The following CIMAP3 variants were observed in gnomAD, a reference collection of about 807,000 sequenced individuals.
CIMAP3 encodes ciliary microtubule-associated protein 3.
the CIMAP3 span, among the ~76,000 whole-genome samples, chr1:111,342,872 C>T: frequency 6.6e-6 from 1 of 152,138 alleles, no homozygotes; most frequent in East Asian, 1.9e-4. Context: ...ATTCTCTTAC[C>T]GTCTGCTTGG....
the CIMAP3 span, among the ~76,000 whole-genome samples, chr1:111,326,957 G>T: frequency 6.6e-6 from 1 of 151,712 alleles, no homozygotes; most frequent in East Asian, 1.9e-4. Context: ...TTTTATTTTT[G>T]AGTTGTTTTA....
At chr1:111,340,399 T>G in the CIMAP3 span, among the ~76,000 whole-genome samples, 1 of 151,944 alleles carries the variant, frequency 6.6e-6, no homozygotes, top group African/African-American at 2.4e-5. Flanking sequence ...CAAAAGAAAC[T>G]ACCATCAGAG....
chr1:111,346,577 C>A, the CIMAP3 span: 2 of 1,604,938 alleles, frequency 1.2e-6, no homozygotes, highest in African/African-American at 1.3e-5. Context: ...CCCCGCGCTC[C>A]GCAGCTGGGA....
chr1:111,339,819 T>C, the CIMAP3 span, among the ~76,000 whole-genome samples: 1 of 151,906 alleles, frequency 6.6e-6, no homozygotes, highest in East Asian at 1.9e-4. Context: ...CCCATCAAGC[T>C]ACCAATGACT....
chr1:111,347,698 T>C, the CIMAP3 span: 10 of 1,612,586 alleles, frequency 6.2e-6, no homozygotes, highest in South Asian at 1.1e-5. Context: ...ATACGACTTA[T>C]CTAAGATCCC....
chr1:111,348,032 A>T, the CIMAP3 span, among the ~76,000 whole-genome samples: 11,685 of 152,286 alleles, frequency 0.077, 561 homozygotes, highest in African/African-American at 0.13. Context: ...TAGTGTTGAG[A>T]TGCCTGAGGT....
chr1:111,349,392 A>T, the CIMAP3 span: 1 of 152,346 alleles, frequency 6.6e-6, no homozygotes, highest in East Asian at 1.9e-4. Flanking sequence ...AATGGAGGGC[A>T]TGCTGGAGCA....
At chr1:111,347,970 C>T in the CIMAP3 span, among the ~76,000 whole-genome samples, 17,026 of 152,152 alleles carry the variant, frequency 0.11, 1,033 homozygotes, top group Non-Finnish European at 0.13. Context: ...TGTGAGTGTA[C>T]CGGGGAGAGT....
chr1:111,337,513 C>G, the CIMAP3 span, among the ~76,000 whole-genome samples: 1 of 151,710 alleles, frequency 6.6e-6, no homozygotes, highest in Non-Finnish European at 1.5e-5. Flanking sequence ...ATCTACCAAG[C>G]CAATGGAAAA....
chr1:111,346,117 C>A, the CIMAP3 span, among the ~76,000 whole-genome samples: 1 of 152,192 alleles, frequency 6.6e-6, no homozygotes, highest in Admixed American at 6.5e-5. Flanking sequence ...CCCCACGGCC[C>A]CCCGGGATAG....
chr1:111,328,432 A>G, the CIMAP3 span, among the ~76,000 whole-genome samples: 2 of 152,324 alleles, frequency 1.3e-5, no homozygotes, highest in East Asian at 1.9e-4. Context: ...TGATCTGTCT[A>G]ATACTGTCAG....
chr1:111,345,524 A>G, the CIMAP3 span, among the ~76,000 whole-genome samples: 2 of 152,330 alleles, frequency 1.3e-5, no homozygotes, highest in Middle Eastern at 3.4e-3. Context: ...CAACACCCCA[A>G]CAATTTTTAA....
At chr1:111,329,259 C>T in the CIMAP3 span, among the ~76,000 whole-genome samples, 1 of 152,002 alleles carries the variant, frequency 6.6e-6, no homozygotes, top group East Asian at 1.9e-4. Flanking sequence ...CCTGACCTTT[C>T]TCTCTAGCTG....
the CIMAP3 span, among the ~76,000 whole-genome samples, chr1:111,332,422 G>C: frequency 1.3e-5 from 2 of 152,192 alleles, no homozygotes; most frequent in African/African-American, 4.8e-5. Flanking sequence ...TGAGTCTGCA[G>C]TGGGAGGCCT....
chr1:111,332,768 G>T, the CIMAP3 span, among the ~76,000 whole-genome samples: 1 of 152,098 alleles, frequency 6.6e-6, no homozygotes, highest in Non-Finnish European at 1.5e-5. Context: ...GCTGATCTAG[G>T]GATGTGTCTG....
At chr1:111,346,765 C>A in the CIMAP3 span, 1 of 1,547,110 alleles carries the variant, frequency 6.5e-7, no homozygotes, top group Non-Finnish European at 8.9e-7. Context: ...GTGCAGTTCG[C>A]CCCCCTCCAG....
At chr1:111,340,369 AC>A in the CIMAP3 span, among the ~76,000 whole-genome samples, 2 of 152,122 alleles carry the variant, frequency 1.3e-5, no homozygotes, top group Non-Finnish European at 2.9e-5. Context: ...ATCTAATTAA[AC>A]TAAAGAGCAT....
chr1:111,338,841 C>T, the CIMAP3 span, among the ~76,000 whole-genome samples: 2 of 152,142 alleles, frequency 1.3e-5, no homozygotes, highest in Non-Finnish European at 1.5e-5. Flanking sequence ...GGAATCCTCC[C>T]TAACTCATTT....
the CIMAP3 span, chr1:111,351,219 T>C: frequency 7.3e-7 from 1 of 1,370,046 alleles, no homozygotes; most frequent in Non-Finnish European, 1.0e-6. Flanking sequence ...CAGAGGGTTC[T>C]CATTAGAATA....
Sources: allele counts gnomAD v4.1 joint callset (sites outside exome capture counted in the v4.1 genomes callset), GRCh38; gene constraint gnomAD v4.1.1; transcripts MANE v1.5; gene names NCBI Gene and HGNC (gene_info 2026-07-23, HGNC 2026-07-21).